Variants in IARS1 observed in about 807,000 individuals in gnomAD.
The protein encoded by IARS1 is isoleucine--tRNA ligase, cytoplasmic.
Under a neutral mutation model 168.2 loss-of-function variants are expected in IARS1, and 124 were observed. That is an observed-to-expected ratio of 0.74 (90% CI 0.64 to 0.86). The LOEUF is 0.86. Among genes scored for constraint, IARS1 ranks in the 40% least tolerant of loss-of-function variants. The pLI, the probability that IARS1 is intolerant of heterozygous loss-of-function variation, is 0.00. For synonymous variants in IARS1, 532 were observed against 529.4 expected (o/e 1.00, Z -0.07); for missense variants, 1,452 against 1,515.8 (o/e 0.96, Z 0.70).
intron 20 of IARS1, among the ~76,000 whole-genome samples, chr9:92,254,594 G>A (rs1157860124): frequency 6.6e-6 from 1 of 152,192 alleles, no homozygotes; most frequent in Non-Finnish European, 1.5e-5. Flanking sequence ...CAGTAACTGA[G>A]ACCTGTCTAA....
In IARS1 at chr9:92,288,179, T is replaced by A; in HGVS notation, c.223A>T (p.Ser75Cys). ...AATCTTCTGTCAACATGAAACCCAC[T>A]CTGGTGAGCATATCTTGTAACTATA... ...KDIVTRYAHQ[S>C]GFHVDRRFGW... Residue 75 changes from serine (S) to cysteine (C), a missense_variant, in exon 3 of 34, where the codon AGT becomes TGT. Coordinates refer to ENST00000443024, the MANE Select transcript of IARS1 (RefSeq NM_002161.6). 6.2e-7 allele frequency: 1 copy of A among 1,614,026 alleles called. No homozygotes were observed. The highest frequency in any genetic ancestry group is 8.5e-7 in the Non-Finnish European group (1 of 1,179,928).
chr9:92,265,675 G>A, intron 14 of IARS1, 122 bp from the exon 15 acceptor site: 1 of 797,884 alleles, frequency 1.3e-6, no homozygotes, highest in South Asian at 1.5e-5. Context: ...CTTTTTTTTT[G>A]AGATAGGGTC....
At chr9:92,286,888 G>A (rs1486303702) in intron 4 of IARS1, among the ~76,000 whole-genome samples, 2 of 152,034 alleles carry the variant, frequency 1.3e-5, no homozygotes, top group Non-Finnish European at 1.5e-5. Context: ...AATATCACAG[G>A]CATAATTATT....
chr9:92,217,163 C>T (rs1838854209), intron 33 of IARS1, among the ~76,000 whole-genome samples: 1 of 151,902 alleles, frequency 6.6e-6, no homozygotes, highest in Non-Finnish European at 1.5e-5. Context: ...CAACCTGCTC[C>T]TGAATGACTA....
chr9:92,225,471 G>A (rs1014220200), intron 31 of IARS1, among the ~76,000 whole-genome samples: 9 of 151,998 alleles, frequency 5.9e-5, no homozygotes, highest in African/African-American at 1.7e-4. Context: ...TCAGCTAGAA[G>A]AGAAATCAAC....
Position 92,222,565 on chromosome 9 carries a change from G to C in IARS1, c.3661C>G (p.Arg1221Gly). 1 of 1,613,960 alleles carries C rather than the reference G, an allele frequency of 6.2e-7. No homozygotes were observed. The highest frequency in any genetic ancestry group is 8.5e-7 in the Non-Finnish European group (1 of 1,179,988). Residue 1221 changes from arginine to glycine, a missense_variant, in exon 33 of 34, where the codon CGG (arginine) becomes GGG (glycine). Arg to Gly is a moderately radical substitution (Grantham distance 125, BLOSUM62 -2). Transcript: ENST00000443024. ...LYEAAKVFGL[R>G]SRKLKLFLNE... Reference sequence around the variant, plus strand: ...AGAAACAGCTTTAGCTTCCTGCTCCGAAGGCCAAACACCTTGGCTGCTTCA... The same window carrying C: ...AGAAACAGCTTTAGCTTCCTGCTCCCAAGGCCAAACACCTTGGCTGCTTCA...
chr9:92,287,790 C>G lies in IARS1; in HGVS notation c.396+1G>C. The G allele has an allele frequency of 6.2e-7, 1 of 1,609,942 alleles. No homozygotes were observed. Among genetic ancestry groups the G allele is most frequent in the Non-Finnish European group, 8.5e-7 (1 of 1,178,250 alleles). ...ATTCTACTGAAAAAAACCCAACATA[C>G]CTTCCACTCAGCAGAATATCTCATC... is the stretch of plus-strand genomic sequence containing the variant. On this transcript the variant is annotated splice_donor_variant, in intron 4 of 33. Transcript: ENST00000443024. LOFTEE classifies it high-confidence loss of function.
At chr9:92,233,980 C>T (rs753087679) in intron 30 of IARS1, among the ~76,000 whole-genome samples, 5 of 152,094 alleles carry the variant, frequency 3.3e-5, no homozygotes, top group Admixed American at 6.6e-5. Context: ...AGGCTGGTCT[C>T]GAACTCCCAG....
intron 7 of IARS1, among the ~76,000 whole-genome samples, chr9:92,280,090 C>T (rs924943203): frequency 2.0e-5 from 3 of 152,104 alleles, no homozygotes; most frequent in African/African-American, 7.2e-5. Flanking sequence ...GTGAATAATG[C>T]TCCTATGAAC....
At chr9:92,262,659 A>G (rs766359457) in intron 17 of IARS1, among the ~76,000 whole-genome samples, 2 of 152,204 alleles carry the variant, frequency 1.3e-5, no homozygotes, top group Non-Finnish European at 2.9e-5. Context: ...CAAAATCTAC[A>G]TGAAAGGACT....
chr9:92,281,393 C>G (rs1834541812), intron 6 of IARS1, among the ~76,000 whole-genome samples: 1 of 152,136 alleles, frequency 6.6e-6, no homozygotes, highest in African/African-American at 2.4e-5. Context: ...CTCAGCCTCC[C>G]AAAGTGCTGG....
intron 20 of IARS1, among the ~76,000 whole-genome samples, chr9:92,255,807 T>C (rs552283271): frequency 1.7e-5 from 2 of 121,166 alleles, no homozygotes; most frequent in African/African-American, 8.9e-5. Flanking sequence ...AAGAGTGGCA[T>C]CTGATGGCAC....
intron 21 of IARS1, chr9:92,252,327 G>T: frequency 2.0e-6 from 1 of 491,762 alleles, no homozygotes; most frequent in Admixed American, 2.2e-5. Context: ...CATTATCTTT[G>T]TTTTTCCTAC....
At chr9:92,279,524 G>A (rs1041864296) in intron 7 of IARS1, among the ~76,000 whole-genome samples, 3 of 152,122 alleles carry the variant, frequency 2.0e-5, no homozygotes, top group Non-Finnish European at 4.4e-5. Flanking sequence ...AGTCCTATTT[G>A]CTCCCAGGAA....
chr9:92,240,185 G>T (rs1449729612), intron 30 of IARS1: 2 of 157,022 alleles, frequency 1.3e-5, no homozygotes, highest in Admixed American at 1.2e-4. Context: ...GTATTTAGCA[G>T]GAGGAATAGG....
chr9:92,252,974 A>G (rs766215845), intron 21 of IARS1, among the ~76,000 whole-genome samples: 3 of 151,906 alleles, frequency 2.0e-5, no homozygotes, highest in Non-Finnish European at 4.4e-5. Context: ...AGTAAATAAT[A>G]TCTGACTCCC....
intron 21 of IARS1, among the ~76,000 whole-genome samples, chr9:92,252,852 G>T (rs73516544): frequency 7.2e-6 from 1 of 139,534 alleles, no homozygotes; most frequent in Non-Finnish European, 1.5e-5. Flanking sequence ...AAGAGACCTC[G>T]CTCTCTCTAT....
intron 26 of IARS1, among the ~76,000 whole-genome samples, chr9:92,246,933 C>G (rs1177388351): frequency 6.6e-6 from 1 of 152,188 alleles, no homozygotes; most frequent in Non-Finnish European, 1.5e-5. Flanking sequence ...TGGCACACAC[C>G]TGTAATCCCA....
chr9:92,230,150 G>A (rs1247792006), intron 30 of IARS1, among the ~76,000 whole-genome samples: 2 of 150,488 alleles, frequency 1.3e-5, no homozygotes, highest in Non-Finnish European at 3.0e-5. Flanking sequence ...TAGCTTTGTC[G>A]CTCAGGCTAG....
Sources: allele counts gnomAD v4.1 joint callset (sites outside exome capture counted in the v4.1 genomes callset), GRCh38; gene constraint gnomAD v4.1.1; transcripts MANE v1.5; gene names NCBI Gene and HGNC (gene_info 2026-07-23, HGNC 2026-07-21).